The following AGPAT2 variants were observed in gnomAD, a reference collection of about 807,000 sequenced individuals.
The protein encoded by AGPAT2 is 1-acyl-sn-glycerol-3-phosphate acyltransferase beta.
AGPAT2 carries 18 observed loss-of-function variants against 26.1 expected under a neutral mutation model. That is an observed-to-expected ratio of 0.69 (90% CI 0.48 to 1.02). The LOEUF is 1.02. Among genes scored for constraint, AGPAT2 ranks in the 50% least tolerant of loss-of-function variants. AGPAT2 has a pLI of 0.00. For synonymous variants in AGPAT2, 200 were observed against 174.2 expected, an observed-to-expected ratio of 1.15 and a Z score of -1.16; for missense variants, 415 against 394.9, an observed-to-expected ratio of 1.05 and a Z score of -0.43.
At chr9:136,685,343 G>A (rs926288213) in intron 1 of AGPAT2, among the ~76,000 whole-genome samples, 1 of 152,216 alleles carries the variant, frequency 6.6e-6, no homozygotes, top group African/African-American at 2.4e-5. Flanking sequence ...ATGGGGACAG[G>A]GCCCAGTGGG....
intron 1 of AGPAT2, 56 bp from the exon 2 acceptor site, chr9:136,677,612 G>C (rs561494026): frequency 6.2e-7 from 1 of 1,609,560 alleles, no homozygotes; most frequent in Non-Finnish European, 8.5e-7. Context: ...CCGAGGCTGG[G>C]GCGCGAAGGC....
Position 136,687,376 on chromosome 9 carries a change from A to G in AGPAT2, c.-19T>C, listed in dbSNP as rs754090246. The G allele has an allele frequency of 1.2e-5, 18 of 1,442,560 alleles. No individual in the cohort carries two copies. The East Asian group carries it at 5.1e-4, about 40-fold the overall frequency. 89.4% of individuals were successfully genotyped at this position (1,442,560 alleles called of 1,614,324 possible). On this transcript the variant is annotated 5_prime_UTR_variant, in exon 1 of 6. Transcript: ENST00000371696. The stretch of plus-strand genomic sequence containing the variant: ...GCTCCATGGCCCGGCCCGGCGCCCG[A>G]CGGCGCCGCCAGCTCGCTCCCGCTC...
In AGPAT2 at chr9:136,674,015, C is replaced by A. The variant is rs1022433204; in HGVS notation, c.662-88G>T. The A allele has an allele frequency of 3.9e-6, 5 of 1,295,104 alleles. No individual in the cohort carries two copies. In the African/African-American group the frequency reaches 7.7e-5, roughly 20 times the overall value. The allele number at this position is 1,295,104 out of a possible 1,614,324, so 80.2% of individuals were successfully genotyped here. ...CCCTGGCCTCGCCTCTCCCCAGCCC[C>A]CCACAGCCCCTCCCTGGGAAGCCCG... On this transcript the variant is annotated intron_variant, in intron 5 of 5. Coordinates refer to ENST00000371696, the MANE Select transcript of AGPAT2 (RefSeq NM_006412.4).
Position 136,673,621 on chromosome 9 carries a change from T to TC in AGPAT2, c.*130dup. The TC allele has an allele frequency of 9.3e-7, 1 of 1,073,258 alleles. No homozygotes were observed. The highest frequency in any genetic ancestry group is 1.3e-6 in the Non-Finnish European group (1 of 784,190). The allele number at this position is 1,073,258 out of a possible 1,614,324, so 66.5% of individuals were successfully genotyped here. A position where few individuals can be genotyped will look rare whatever the true frequency, so the allele number is the denominator to read the frequency against. ...CCAGTGACAGAAGGGGCTTCCTGCT[T>TC]CCCGGGCTGAGTGAGAGCTGGGGGA... is the stretch of plus-strand genomic sequence containing the variant. On this transcript the variant is annotated 3_prime_UTR_variant, in exon 6 of 6. Transcript: ENST00000371696.
chr9:136,681,634 T>G (rs1005440119), intron 1 of AGPAT2, among the ~76,000 whole-genome samples: 1 of 152,132 alleles, frequency 6.6e-6, no homozygotes, highest in Non-Finnish European at 1.5e-5. Flanking sequence ...AAATCCCGTC[T>G]CTATTAACAA....
intron 3 of AGPAT2, 36 bp downstream of exon 3, chr9:136,676,925 A>AC: frequency 2.9e-5 from 15 of 521,366 alleles, no homozygotes; most frequent in Non-Finnish European, 4.6e-5. Context: ...CCCAGGCCCC[A>AC]CCCCAACCCC....
chr9:136,685,054 G>A (rs887924804), intron 1 of AGPAT2, among the ~76,000 whole-genome samples: 2 of 152,206 alleles, frequency 1.3e-5, no homozygotes, highest in Admixed American at 1.3e-4. Flanking sequence ...GGACCCTGGG[G>A]CCTGGGGAGC....
At chr9:136,685,738 G>A (rs1445268895) in intron 1 of AGPAT2, among the ~76,000 whole-genome samples, 1 of 152,110 alleles carries the variant, frequency 6.6e-6, no homozygotes, top group Non-Finnish European at 1.5e-5. Context: ...TGGGAAAGCC[G>A]CACCCTCGCC....
intron 1 of AGPAT2, among the ~76,000 whole-genome samples, chr9:136,686,551 C>T (rs1159507801): frequency 2.0e-5 from 3 of 152,260 alleles, no homozygotes; most frequent in African/African-American, 7.2e-5. Context: ...TCCTTCCCTT[C>T]GCTTGGAAGC....
chr9:136,680,799 T>C (rs1846149455), intron 1 of AGPAT2, among the ~76,000 whole-genome samples: 1 of 151,844 alleles, frequency 6.6e-6, no homozygotes, highest in Admixed American at 6.6e-5. Context: ...AGCAAGTAGT[T>C]GGGACTACTG....
intron 1 of AGPAT2, among the ~76,000 whole-genome samples, chr9:136,684,922 G>C (rs193215460): frequency 5.9e-5 from 9 of 152,282 alleles, no homozygotes; most frequent in African/African-American, 1.9e-4. Flanking sequence ...CCCTTCCCTG[G>C]AGTGACAAAG....
chr9:136,674,337 C>A (rs947053002), intron 5 of AGPAT2, among the ~76,000 whole-genome samples: 4 of 152,210 alleles, frequency 2.6e-5, no homozygotes, highest in Non-Finnish European at 5.9e-5. Context: ...GTTCTGGGAA[C>A]TGGCTGGAAG....
intron 3 of AGPAT2, 139 bp from the exon 4 acceptor site, chr9:136,676,819 G>A: frequency 3.2e-6 from 4 of 1,253,478 alleles, no homozygotes; most frequent in Non-Finnish European, 4.6e-6. Context: ...TGATGTAGGG[G>A]TCTGGCGTGG....
At chr9:136,675,691 A>G (rs1322603025) in intron 4 of AGPAT2, among the ~76,000 whole-genome samples, 2 of 152,096 alleles carry the variant, frequency 1.3e-5, no homozygotes, top group East Asian at 1.9e-4. Flanking sequence ...CTGCTCTCCC[A>G]GAGCTGATCC....
intron 2 of AGPAT2, 28 bp from the exon 3 acceptor site, chr9:136,677,164 A>C: frequency 6.2e-7 from 1 of 1,611,310 alleles, no homozygotes; most frequent in Non-Finnish European, 8.5e-7. Context: ...AGAGACAGAG[A>C]GAGAGGGGGA....
rs764787916 is a variant in AGPAT2 at position 136,674,747 on chromosome 9, ACTT to A, written c.646_648del (p.Lys216del). 3.0e-5 allele frequency: 45 copies of A among 1,506,642 alleles called. No homozygotes were observed. The highest frequency in any genetic ancestry group is 1.8e-4 in the Middle Eastern group (1 of 5,654). 93.3% of individuals were successfully genotyped at this position (1,506,642 alleles called of 1,614,324 possible). A position where few individuals can be genotyped will look rare whatever the true frequency, so the allele number is the denominator to read the frequency against. On this transcript the variant is annotated inframe_deletion, in exon 5 of 6. Coordinates refer to ENST00000371696, the MANE Select transcript of AGPAT2 (RefSeq NM_006412.4). ...CATGTGGGGGTACCTGAAGTGAAGAACTTCTTCTTGGTGTTGTAGAAGGAGGAG... is the reference window on the plus strand; with the variant it reads ...CATGTGGGGGTACCTGAAGTGAAGAACTTCTTGGTGTTGTAGAAGGAGGAG...
chr9:136,675,559 G>A (rs372833989), intron 4 of AGPAT2, among the ~76,000 whole-genome samples: 36 of 146,592 alleles, frequency 2.5e-4, no homozygotes, highest in Non-Finnish European at 2.9e-4. Flanking sequence ...TGGCAGCAGG[G>A]AGGGAGGGGG....
At chr9:136,686,951 T>C (rs1588269901) in intron 1 of AGPAT2, among the ~76,000 whole-genome samples, 1 of 149,856 alleles carries the variant, frequency 6.7e-6, no homozygotes, top group Non-Finnish European at 1.5e-5. Context: ...GGGCGGGGGG[T>C]GGGGTGCTGG....
At chr9:136,680,831 T>G (rs1359818360) in intron 1 of AGPAT2, among the ~76,000 whole-genome samples, 2 of 151,584 alleles carry the variant, frequency 1.3e-5, no homozygotes, top group Non-Finnish European at 2.9e-5. Context: ...CACACCCGGC[T>G]AATTTTTGTA....
Sources: gnomAD v4.1 joint callset for allele counts (sites outside exome capture counted in the v4.1 genomes callset) on GRCh38, gnomAD v4.1.1 for gene constraint, MANE v1.5 for transcripts, NCBI Gene and HGNC (gene_info 2026-07-23, HGNC 2026-07-21) for gene names.